The following HECTD4 variants were observed in gnomAD, a reference collection of about 807,000 sequenced individuals.
HECTD4 encodes the protein HECT domain E3 ubiquitin protein ligase 4, also known as probable E3 ubiquitin-protein ligase HECTD4.
A neutral mutation model predicts 471.5 loss-of-function variants in HECTD4; 114 were observed. That is an observed-to-expected ratio of 0.24 (90% CI 0.21 to 0.28). HECTD4 has a LOEUF of 0.28. HECTD4 is among the 10% of genes least tolerant of loss of function. HECTD4 has a pLI of 1.00. For missense variants in HECTD4, 3,866 were observed against 5,651.5 expected, an observed-to-expected ratio of 0.68 and a Z score of 10.13; for synonymous variants, 2,012 against 2,256.0, an observed-to-expected ratio of 0.89 and a Z score of 3.07.
At chr12:112,199,744 CACA>C (rs2032359649) in intron 55 of HECTD4, among the ~76,000 whole-genome samples, 1 of 152,202 alleles carries the variant, frequency 6.6e-6, no homozygotes, top group Non-Finnish European at 1.5e-5. Flanking sequence ...CAGTGCTAGG[CACA>C]TAGAAAGCAC....
chr12:112,172,397 T>C (rs947455263), intron 67 of HECTD4, among the ~76,000 whole-genome samples: 2 of 152,228 alleles, frequency 1.3e-5, no homozygotes, highest in Admixed American at 6.5e-5. Flanking sequence ...GGCCTGGGCA[T>C]TCCCCGCAGC....
rs758703619 is a variant in HECTD4 at position 112,184,423 on chromosome 12, C to T, written c.10543G>A (p.Gly3515Ser). Residue 3515 changes from glycine to serine, a missense_variant, in exon 61 of 76, where the codon GGC (glycine) becomes AGC (serine). Gly to Ser is a moderately conservative substitution (Grantham distance 56, BLOSUM62 0). This residue lies in a region of HECTD4 where 192 missense variants were observed against 189.9 expected (regional missense o/e 1.01). Transcript: ENST00000682272. The surrounding 1 kb of genome is among the most constrained non-coding windows in gnomAD (Gnocchi z 9.1). The part of the protein sequence containing the change: ...SDLSVDPLPA[G>S]LELPIPPGLL... ...CCCGGAGGGATGGGCAGCTCGAGGC[C>T]GGCAGGCAGCGGATCCACAGAGAGG... is the stretch of plus-strand genomic sequence containing the variant. The T allele has an allele frequency of 6.2e-6, 10 of 1,604,856 alleles. No individual in the cohort carries two copies. The Admixed American group carries it at 6.8e-5, about 11-fold the overall frequency.
chr12:112,161,673 C>G lies in HECTD4; in HGVS notation c.*714G>C, dbSNP rs1263751457. The G allele has an allele frequency of 6.6e-6, 1 of 152,142 alleles. No individual in the cohort carries two copies. Among genetic ancestry groups the G allele is most frequent in the Non-Finnish European group, 1.5e-5 (1 of 68,060 alleles). 9.4% of individuals were successfully genotyped at this position (152,142 alleles called of 1,614,324 possible). A position where few individuals can be genotyped will look rare whatever the true frequency, so the allele number is the denominator to read the frequency against. ...TCTGTGAACTAAGGTCGGGATGAAC[C>G]CTTAAGTCTCCTGCTCCCGAGGAGG... On this transcript the variant is annotated 3_prime_UTR_variant, in exon 76 of 76. Coordinates refer to ENST00000682272, the MANE Select transcript of HECTD4 (RefSeq NM_001388303.1).
Position 112,319,193 on chromosome 12 carries a change from G to T in HECTD4, c.695+32C>A. 1 of 1,533,332 alleles carries T rather than the reference G, an allele frequency of 6.5e-7. No homozygotes were observed. Among genetic ancestry groups the T allele is most frequent in the Non-Finnish European group, 8.7e-7 (1 of 1,145,022 alleles). The allele number at this position is 1,533,332 out of a possible 1,614,324, so 95.0% of individuals were successfully genotyped here. A position where few individuals can be genotyped will look rare whatever the true frequency, so the allele number is the denominator to read the frequency against. ...CCAACCCAGGTGGCAGTAGTCACAA[G>T]GTCACCAAATGATACATTCGATTTT... On this transcript the variant is annotated intron_variant, in intron 2 of 75. Coordinates refer to ENST00000682272, the MANE Select transcript of HECTD4 (RefSeq NM_001388303.1). This position sits in a 1 kb window ranked among gnomAD's most constrained non-coding sequence, Gnocchi z 5.3.
intron 32 of HECTD4, among the ~76,000 whole-genome samples, chr12:112,241,586 C>G (rs1361537158): frequency 6.6e-6 from 1 of 152,168 alleles, no homozygotes; most frequent in Non-Finnish European, 1.5e-5. Flanking sequence ...CTCAGCTTCT[C>G]CAGTAGCTGG....
At chr12:112,345,423 T>A (rs1467353062) in intron 1 of HECTD4, among the ~76,000 whole-genome samples, 3 of 152,002 alleles carry the variant, frequency 2.0e-5, no homozygotes, top group Non-Finnish European at 4.4e-5. Context: ...ACCTTAATAG[T>A]ATAAGAAACA....
chr12:112,264,005 T>C, intron 17 of HECTD4, 79 bp downstream of exon 17: 2 of 1,372,494 alleles, frequency 1.5e-6, no homozygotes, highest in Non-Finnish European at 1.9e-6. Flanking sequence ...TCTGACATCA[T>C]AAAACACAGA....
intron 1 of HECTD4, among the ~76,000 whole-genome samples, chr12:112,325,822 T>C (rs1428059113): frequency 6.6e-6 from 1 of 151,866 alleles, no homozygotes; most frequent in East Asian, 1.9e-4. Flanking sequence ...CGTTTTTTTT[T>C]TTTTCTTTTG....
rs530026748 is a variant in HECTD4 at position 112,335,600 on chromosome 12, A to C, written c.178-15858T>G. Among the ~76,000 whole-genome samples the C allele has an allele frequency of 2.8e-3, 429 of 152,244 alleles. 5 individuals are homozygous for C. The highest frequency in any genetic ancestry group is 9.6e-3 in the African/African-American group (399 of 41,546). ...CTACTCGAGAGGCTGAGGCAGGAGAATCGCTTGAACCCAGGAAGCGGAGGT... is the reference window on the plus strand; with the variant it reads ...CTACTCGAGAGGCTGAGGCAGGAGACTCGCTTGAACCCAGGAAGCGGAGGT... On this transcript the variant is annotated intron_variant, in intron 1 of 75. Coordinates refer to ENST00000682272, the MANE Select transcript of HECTD4 (RefSeq NM_001388303.1).
chr12:112,212,577 C>A lies in HECTD4; in HGVS notation c.7539G>T (p.Arg2513=), dbSNP rs777566885. The part of the protein sequence containing the change: ...PPPPGQPAKG[R]VYFTYCGQRL... The stretch of plus-strand genomic sequence containing the variant: ...GCTGCCCGCAGTATGTGAAGTACAC[C>A]CGGCCCTTGGCTGGCTGTCCCGGAG... Residue 2513 remains arginine, a synonymous_variant, in exon 49 of 76, where the codon CGG becomes CGT. Transcript: ENST00000682272. 2 of 1,613,826 alleles carry A rather than the reference C, an allele frequency of 1.2e-6. No homozygotes were observed. Among genetic ancestry groups the A allele is most frequent in the East Asian group, 4.5e-5 (2 of 44,870 alleles).
In HECTD4 at chr12:112,381,709, A is replaced by G. The variant is rs1451949862; in HGVS notation, c.177+243T>C. ...AAAATGCCGGGTGTCGGAACGCTCA[A>G]AAGAAAACCACAAATGAAATCCCCT... On this transcript the variant is annotated intron_variant, in intron 1 of 75. Transcript: ENST00000682272. The surrounding 1 kb of genome is among the most constrained non-coding windows in gnomAD (Gnocchi z 4.1). 1.3e-5 allele frequency among the ~76,000 whole-genome samples: 2 copies of G among 152,008 alleles called. No individual in the cohort carries two copies. The highest frequency in any genetic ancestry group is 2.4e-5 in the African/African-American group (1 of 41,404).
intron 52 of HECTD4, among the ~76,000 whole-genome samples, chr12:112,206,737 C>T (rs1010960662): frequency 6.6e-6 from 1 of 151,958 alleles, no homozygotes; most frequent in Non-Finnish European, 1.5e-5. Flanking sequence ...GGGGTTTCAC[C>T]GTGTTAGCCA....
At chr12:112,268,460 T>A (rs1255886342) in intron 13 of HECTD4, among the ~76,000 whole-genome samples, 1 of 152,190 alleles carries the variant, frequency 6.6e-6, no homozygotes, top group African/African-American at 2.4e-5. Flanking sequence ...TATTCCTGTA[T>A]AAAAGTTTGC....
chr12:112,378,806 G>T (rs547515037), intron 1 of HECTD4, among the ~76,000 whole-genome samples: 1 of 152,252 alleles, frequency 6.6e-6, no homozygotes, highest in East Asian at 1.9e-4. Context: ...AACTTTGGGA[G>T]GCCGAGGCGG....
At chr12:112,221,508 G>A (rs2033095533) in intron 44 of HECTD4, among the ~76,000 whole-genome samples, 1 of 151,856 alleles carries the variant, frequency 6.6e-6, no homozygotes, top group Non-Finnish European at 1.5e-5. Flanking sequence ...CAAAGTGCTG[G>A]GATTACAGAT....
At chr12:112,361,726 G>A (rs1332500950) in intron 1 of HECTD4, among the ~76,000 whole-genome samples, 1 of 152,068 alleles carries the variant, frequency 6.6e-6, no homozygotes, top group Non-Finnish European at 1.5e-5. Flanking sequence ...TCCCCTGAAG[G>A]ACCCTGCATT....
intron 1 of HECTD4, among the ~76,000 whole-genome samples, chr12:112,352,742 G>T (rs1382162380): frequency 6.6e-6 from 1 of 152,032 alleles, no homozygotes; most frequent in Non-Finnish European, 1.5e-5. Context: ...AAGTAGCTAA[G>T]ACCACATGTA....
At chr12:112,372,561 G>C (rs2036702211) in intron 1 of HECTD4, among the ~76,000 whole-genome samples, 1 of 152,024 alleles carries the variant, frequency 6.6e-6, no homozygotes, top group African/African-American at 2.4e-5. Flanking sequence ...TGGGATTACA[G>C]GCATGAGCCA....
Position 112,185,238 on chromosome 12 carries a change from G to A in HECTD4, c.9728C>T (p.Ala3243Val), listed in dbSNP as rs1470929385. The change falls in exon 61 of 76, where the codon GCG (alanine) becomes GTG (valine). Residue 3243 changes from alanine (A) to valine (V), a missense_variant. Ala to Val is a moderately conservative substitution (Grantham distance 64). Transcript: ENST00000682272. ...GGACGGSGGA[A>V]AGDQGRFSTY... ...AGAGAACCTGCCCTGGTCACCGGCCGCCGCCCCCCCGGAGCCCCCGCAGGC... is the reference window on the plus strand; with the variant it reads ...AGAGAACCTGCCCTGGTCACCGGCCACCGCCCCCCCGGAGCCCCCGCAGGC... 6 of 1,550,484 alleles carry A rather than the reference G, an allele frequency of 3.9e-6. No homozygotes were observed. Among genetic ancestry groups the A allele is most frequent in the Admixed American group, 3.9e-5 (2 of 50,958 alleles).
Sources: allele counts gnomAD v4.1 joint callset (sites outside exome capture counted in the v4.1 genomes callset), GRCh38; gene constraint gnomAD v4.1.1; regional missense constraint gnomAD v4.1.1; non-coding constraint Gnocchi (gnomAD v3.1); transcripts MANE v1.5; gene names NCBI Gene and HGNC (gene_info 2026-07-23, HGNC 2026-07-21).